The following ZC3H14 variants were observed in gnomAD, a reference collection of about 807,000 sequenced individuals.
ZC3H14 encodes zinc finger CCCH domain-containing protein 14.
Under a neutral mutation model 92.4 loss-of-function variants are expected in ZC3H14, and 31 were observed. The ratio of observed to expected loss-of-function variants is 0.34; its 90% CI spans 0.25 to 0.45. ZC3H14 has a LOEUF of 0.45. Among genes scored for constraint, ZC3H14 ranks in the 20% least tolerant of loss-of-function variants. The pLI, the probability that ZC3H14 is intolerant of heterozygous loss-of-function variation, is 1.00. For missense variants in ZC3H14, 781 were observed against 897.3 expected, an observed-to-expected ratio of 0.87 and a Z score of 1.66; for synonymous variants, 321 against 300.9, an observed-to-expected ratio of 1.07 and a Z score of -0.69.
Position 88,621,294 on chromosome 14 carries a change from A to T in ZC3H14, c.*9543A>T. Reference sequence around the variant, plus strand: ...TTCAGCATTCCTTGTCCCAACAAGGATCTTGCCCTGAAACACAAGCAGGAC... The same window carrying T: ...TTCAGCATTCCTTGTCCCAACAAGGTTCTTGCCCTGAAACACAAGCAGGAC... On this transcript the variant is annotated 3_prime_UTR_variant, in exon 17 of 17. Transcript: ENST00000251038. 6.2e-7 allele frequency: 1 copy of T among 1,613,902 alleles called. No individual in the cohort carries two copies. The highest frequency in any genetic ancestry group is 8.5e-7 in the Non-Finnish European group (1 of 1,179,860).
At chr14:88,608,234 C>G (rs557944196) in intron 13 of ZC3H14, 15 of 480,594 alleles carry the variant, frequency 3.1e-5, no homozygotes, top group South Asian at 2.3e-4. Context: ...ATACCATCCC[C>G]ATCTCACCCT....
In ZC3H14 at chr14:88,617,762, T is replaced by C. The variant is rs1028590058; in HGVS notation, c.*6011T>C. On this transcript the variant is annotated 3_prime_UTR_variant, in exon 17 of 17. Coordinates refer to ENST00000251038, the MANE Select transcript of ZC3H14 (RefSeq NM_024824.5). ...TTACAGGCATGAGCCACTATATGCC[T>C]GGCTGATACAGGAATTTGATGGCAT... 1 of 153,772 alleles carries C rather than the reference T, an allele frequency of 6.5e-6. No individual in the cohort carries two copies. Among genetic ancestry groups the C allele is most frequent in the African/African-American group, 2.4e-5 (1 of 41,464 alleles). The allele number at this position is 153,772 out of a possible 1,614,324, so 9.5% of individuals were successfully genotyped here. A position where few individuals can be genotyped will look rare whatever the true frequency, so the allele number is the denominator to read the frequency against.
At chr14:88,604,826 T>C (rs1270677427) in intron 12 of ZC3H14, among the ~76,000 whole-genome samples, 1 of 152,114 alleles carries the variant, frequency 6.6e-6, no homozygotes, top group Non-Finnish European at 1.5e-5. Flanking sequence ...ACTCCTGACC[T>C]CAAGTGATCC....
chr14:88,615,764 T>C lies in ZC3H14; in HGVS notation c.*4013T>C, dbSNP rs2087500633. ...CCATGCAGGGTTGGGTTTTGGTTTT[T>C]CTTCTCTGTAATTCTGGTCTCAAAG... is the stretch of plus-strand genomic sequence containing the variant. On this transcript the variant is annotated 3_prime_UTR_variant, in exon 17 of 17. Coordinates refer to ENST00000251038, the MANE Select transcript of ZC3H14 (RefSeq NM_024824.5). 3.1e-5 allele frequency: 49 copies of C among 1,578,200 alleles called. No homozygotes were observed. Among genetic ancestry groups the C allele is most frequent in the African/African-American group, 2.4e-4 (18 of 74,100 alleles).
rs202045280 is a variant in ZC3H14, at chr14:88,602,809, T to C, written c.1515-19T>C. ...TGTTTGTTTCCCTAATTCTATGGTA[T>C]TTTTTATCTGTCTGGCAGAGATCTT... On this transcript the variant is annotated intron_variant, in intron 11 of 16. Transcript: ENST00000251038. 1.2e-6 allele frequency: 2 copies of C among 1,612,768 alleles called. No homozygotes were observed. The highest frequency in any genetic ancestry group is 1.3e-5 in the African/African-American group (1 of 75,026).
At chr14:88,605,809 T>C (rs930815012) in intron 12 of ZC3H14, among the ~76,000 whole-genome samples, 2 of 152,230 alleles carry the variant, frequency 1.3e-5, no homozygotes, top group Admixed American at 6.5e-5. Flanking sequence ...TAAGTACTCA[T>C]AGAACTAGCT....
intron 10 of ZC3H14, among the ~76,000 whole-genome samples, chr14:88,597,903 G>T (rs1205216407): frequency 6.6e-6 from 1 of 152,150 alleles, no homozygotes; most frequent in Non-Finnish European, 1.5e-5. Context: ...GTTCTGTGAG[G>T]CTTATGAATG....
chr14:88,595,194 T>G (rs1282046065), intron 9 of ZC3H14: 3 of 1,571,032 alleles, frequency 1.9e-6, no homozygotes, highest in Non-Finnish European at 2.6e-6. Context: ...AGCTCTGATG[T>G]GGAGGGAGCA....
intron 9 of ZC3H14, among the ~76,000 whole-genome samples, chr14:88,583,667 T>C (rs888952385): frequency 6.6e-6 from 1 of 152,210 alleles, no homozygotes; most frequent in Admixed American, 6.5e-5. Flanking sequence ...CTTAATTGCA[T>C]TGTGGTTAGA....
chr14:88,604,965 G>A (rs902050111), intron 12 of ZC3H14, among the ~76,000 whole-genome samples: 1 of 152,174 alleles, frequency 6.6e-6, no homozygotes, highest in Admixed American at 6.5e-5. Flanking sequence ...TACAAAGTCG[G>A]TGTCAGCCAG....
At position 88,626,776 on chromosome 14, in the gene ZC3H14, G is replaced by A; in HGVS notation, c.*15025G>A. On this transcript the variant is annotated 3_prime_UTR_variant, in exon 17 of 17. Transcript: ENST00000251038. The stretch of plus-strand genomic sequence containing the variant: ...TCTCAACAACATTCATGTGGCTGAT[G>A]ATCTAAGGCAAGAGAATGTAAAGTA... The A allele has an allele frequency of 6.5e-7, 1 of 1,527,194 alleles. No individual in the cohort carries two copies. Among genetic ancestry groups the A allele is most frequent in the Non-Finnish European group, 9.0e-7 (1 of 1,114,694 alleles). 94.6% of individuals were successfully genotyped at this position (1,527,194 alleles called of 1,614,324 possible).
At position 88,607,317 on chromosome 14, in the gene ZC3H14, A is replaced by G; in HGVS notation, c.1822A>G (p.Lys608Glu). 2 of 1,613,894 alleles carry G rather than the reference A, an allele frequency of 1.2e-6. No individual in the cohort carries two copies. The highest frequency in any genetic ancestry group is 1.7e-6 in the Non-Finnish European group (2 of 1,179,918). The change falls in exon 13 of 17, where the codon AAA becomes GAA. Residue 608 changes from lysine to glutamate, a missense_variant. Physicochemically the swap from Lys to Glu is moderately conservative, Grantham distance 56. Coordinates refer to ENST00000251038, the MANE Select transcript of ZC3H14 (RefSeq NM_024824.5). The part of the protein sequence containing the change: ...LERCKYWPAC[K>E]NGDECAYHHP... ...GCGCTGCAAGTACTGGCCTGCTTGT[A>G]AAAATGGGGATGAGTGTGCCTACCA...
At chr14:88,578,901 CCCT>C (rs1595587389) in intron 9 of ZC3H14, among the ~76,000 whole-genome samples, 1 of 150,322 alleles carries the variant, frequency 6.7e-6, no homozygotes, top group South Asian at 2.1e-4. Flanking sequence ...AGTATCTCTC[CCCT>C]CCTCCTCATT....
At chr14:88,593,199 C>T (rs976619670) in intron 9 of ZC3H14, among the ~76,000 whole-genome samples, 3 of 152,084 alleles carry the variant, frequency 2.0e-5, no homozygotes, top group Admixed American at 6.5e-5. Context: ...AACTCCTGAC[C>T]TCATAATCCA....
chr14:88,615,811 G>T lies in ZC3H14; in HGVS notation c.*4060G>T. 1 of 1,610,596 alleles carries T rather than the reference G, an allele frequency of 6.2e-7. No individual in the cohort carries two copies. Among genetic ancestry groups the T allele is most frequent in the Non-Finnish European group, 8.5e-7 (1 of 1,178,528 alleles). ...AAAGTTAATTTCTGTAGTCATCTCA[G>T]CATCTCTCAGTGAGGTGTATGTACA... On this transcript the variant is annotated 3_prime_UTR_variant, in exon 17 of 17. Coordinates refer to ENST00000251038, the MANE Select transcript of ZC3H14 (RefSeq NM_024824.5).
At chr14:88,609,181 T>A (rs951191170) in intron 13 of ZC3H14, 86 bp from the exon 14 acceptor site, 2 of 1,533,196 alleles carry the variant, frequency 1.3e-6, no homozygotes, top group African/African-American at 2.7e-5. Flanking sequence ...CAAGTAGTGA[T>A]GGGGAGTGTA....
rs2088053680 is a variant in ZC3H14 at position 88,618,135 on chromosome 14, T to TTC, written c.*6385_*6386dup. The TTC allele has an allele frequency of 2.0e-6, 2 of 999,512 alleles. No homozygotes were observed. The highest frequency in any genetic ancestry group is 3.0e-6 in the Non-Finnish European group (2 of 671,138). 61.9% of individuals were successfully genotyped at this position (999,512 alleles called of 1,614,324 possible). A position where few individuals can be genotyped will look rare whatever the true frequency, so the allele number is the denominator to read the frequency against. Reference sequence around the variant, plus strand: ...ACAAAAACTTGAAACTCAATTACTATTCCTTATTGGAATGGCTCTAACAGT... The same window carrying TTC: ...ACAAAAACTTGAAACTCAATTACTATTCTCCTTATTGGAATGGCTCTAACAGT... On this transcript the variant is annotated 3_prime_UTR_variant, in exon 17 of 17. Coordinates refer to ENST00000251038, the MANE Select transcript of ZC3H14 (RefSeq NM_024824.5).
At chr14:88,566,245 T>C (rs1348934425) in intron 2 of ZC3H14, among the ~76,000 whole-genome samples, 1 of 151,778 alleles carries the variant, frequency 6.6e-6, no homozygotes, top group Non-Finnish European at 1.5e-5. Context: ...GTGATTAACA[T>C]GTGATGGATT....
chr14:88,616,285 C>T lies in ZC3H14; in HGVS notation c.*4534C>T, dbSNP rs2087598120. On this transcript the variant is annotated 3_prime_UTR_variant, in exon 17 of 17. Transcript: ENST00000251038. ...ACAAGCTCAGGGCATTTGGTGCACA[C>T]AGAAGTCAAAGGCTCTTATTAGGAA... 6.3e-7 allele frequency: 1 copy of T among 1,583,302 alleles called. No homozygotes were observed. Among genetic ancestry groups the T allele is most frequent in the African/African-American group, 1.3e-5 (1 of 74,330 alleles).
Sources: allele counts gnomAD v4.1 joint callset (sites outside exome capture counted in the v4.1 genomes callset), GRCh38; gene constraint gnomAD v4.1.1; transcripts MANE v1.5; gene names NCBI Gene and HGNC (gene_info 2026-07-23, HGNC 2026-07-21).